Variants in ARHGAP24 observed in about 807,000 individuals in gnomAD.
The protein encoded by ARHGAP24 is rho GTPase-activating protein 24.
In ARHGAP24, 50 loss-of-function variants were observed where a neutral mutation model predicts 76.4. That is an observed-to-expected ratio of 0.65 (90% confidence interval 0.52 to 0.83). The LOEUF is 0.83. ARHGAP24 is among the 40% of genes least tolerant of loss of function. The pLI, the probability that ARHGAP24 is intolerant of heterozygous loss-of-function variation, is 0.00. For missense variants in ARHGAP24, 930 were observed against 914.2 expected, an observed-to-expected ratio of 1.02 and a Z score of -0.22; for synonymous variants, 345 against 323.3, an observed-to-expected ratio of 1.07 and a Z score of -0.72.
chr4:85,702,931 G>T (rs546599817), intron 2 of ARHGAP24, among the ~76,000 whole-genome samples: 1 of 151,754 alleles, frequency 6.6e-6, no homozygotes, highest in South Asian at 2.1e-4. Flanking sequence ...GCTCTTTGTG[G>T]CCAGCTGTGA....
At chr4:85,598,514 T>C (rs1190540950) in intron 2 of ARHGAP24, among the ~76,000 whole-genome samples, 4 of 152,090 alleles carry the variant, frequency 2.6e-5, no homozygotes, top group Non-Finnish European at 5.9e-5. Context: ...CTTTTTACTC[T>C]TTCTTAGTAG....
intron 2 of ARHGAP24, among the ~76,000 whole-genome samples, chr4:85,665,643 C>T (rs559075076): frequency 9.0e-4 from 137 of 152,258 alleles, no homozygotes; most frequent in Middle Eastern, 3.4e-3. Flanking sequence ...GATTTTGCAG[C>T]GGCTGGTACC....
chr4:85,997,333 TA>T (rs1740722407), intron 9 of ARHGAP24, among the ~76,000 whole-genome samples: 3 of 148,622 alleles, frequency 2.0e-5, no homozygotes, highest in African/African-American at 7.6e-5. Context: ...AGATGATAGA[TA>T]GATAGATAGA....
chr4:85,506,684 C>T (rs1297292415), intron 1 of ARHGAP24, among the ~76,000 whole-genome samples: 2 of 152,182 alleles, frequency 1.3e-5, no homozygotes, highest in South Asian at 2.1e-4. Flanking sequence ...GGAAATCCAC[C>T]AACCCCTTGC....
At chr4:85,597,469 G>A (rs908048133) in intron 2 of ARHGAP24, among the ~76,000 whole-genome samples, 1 of 151,936 alleles carries the variant, frequency 6.6e-6, no homozygotes, top group Admixed American at 6.6e-5. Flanking sequence ...TGCTGAAAAG[G>A]GTGAGGGGTA....
chr4:85,985,312 A>G (rs1188117187), intron 8 of ARHGAP24, among the ~76,000 whole-genome samples: 1 of 152,180 alleles, frequency 6.6e-6, no homozygotes, highest in East Asian at 1.9e-4. Flanking sequence ...ATAAAAATGA[A>G]CAAGAGCATG....
At chr4:85,663,904 T>G (rs1358839364) in intron 2 of ARHGAP24, among the ~76,000 whole-genome samples, 1 of 151,490 alleles carries the variant, frequency 6.6e-6, no homozygotes, top group Non-Finnish European at 1.5e-5. Flanking sequence ...TTTGATGTGC[T>G]GCTGGATTCA....
At chr4:85,729,364 C>T (rs1725302516) in intron 3 of ARHGAP24, among the ~76,000 whole-genome samples, 1 of 152,140 alleles carries the variant, frequency 6.6e-6, no homozygotes, top group South Asian at 2.1e-4. Context: ...TCAAAATTCC[C>T]TTCCTACTTA....
chr4:85,734,456 T>C (rs969524658), intron 3 of ARHGAP24, among the ~76,000 whole-genome samples: 6 of 152,164 alleles, frequency 3.9e-5, no homozygotes, highest in African/African-American at 9.7e-5. Context: ...ACAACTGTTA[T>C]GCATCTAGAC....
intron 3 of ARHGAP24, among the ~76,000 whole-genome samples, chr4:85,737,094 A>T (rs1490134612): frequency 6.6e-6 from 1 of 152,098 alleles, no homozygotes; most frequent in Non-Finnish European, 1.5e-5. Flanking sequence ...TTTCACCAGC[A>T]CACAGCTGGT....
chr4:85,599,228 A>G (rs1357213274), intron 2 of ARHGAP24, among the ~76,000 whole-genome samples: 1 of 152,136 alleles, frequency 6.6e-6, no homozygotes, highest in African/African-American at 2.4e-5. Flanking sequence ...GAGTTGGCAT[A>G]GGGTATTAAA....
intron 3 of ARHGAP24, among the ~76,000 whole-genome samples, chr4:85,819,666 C>A (rs947201198): frequency 6.6e-6 from 1 of 152,152 alleles, no homozygotes; most frequent in Admixed American, 6.5e-5. Context: ...TGCCTGTAAT[C>A]CCAGCACTTT....
rs533998340 is a variant in ARHGAP24 at position 85,509,364 on chromosome 4, C to G, written c.-21+33805C>G. 1.3e-4 allele frequency among the ~76,000 whole-genome samples: 19 copies of G among 151,976 alleles called. No homozygotes were observed. The South Asian group carries it at 3.7e-3, about 30-fold the overall frequency. ...GTATAATTAAAAAAAATTCTAATTT[C>G]TAGTATTTTATGCATGGTTCTTAAC... On this transcript the variant is annotated intron_variant, in intron 1 of 9. Coordinates refer to ENST00000395184, the MANE Select transcript of ARHGAP24 (RefSeq NM_001025616.3).
chr4:85,995,229 G>A lies in ARHGAP24; in HGVS notation c.1575G>A (p.Gln525=). 1 of 1,614,040 alleles carries A rather than the reference G, an allele frequency of 6.2e-7. No homozygotes were observed. The highest frequency in any genetic ancestry group is 1.1e-5 in the South Asian group (1 of 91,076). The change falls in exon 9 of 10, where the codon CAG becomes CAA. Residue 525 remains glutamine, a synonymous_variant. Transcript: ENST00000395184. ...KQKEQAGELG[Q]HNRLSTYDNV... is the part of the protein sequence containing the mutation. ...AAGAACAAGCTGGAGAGTTAGGCCA[G>A]CACAACAGACTGTCCACCTATGATA...
intron 8 of ARHGAP24, among the ~76,000 whole-genome samples, chr4:85,992,961 G>A (rs1714788065): frequency 6.6e-6 from 1 of 151,942 alleles, no homozygotes; most frequent in Admixed American, 6.6e-5. Context: ...TGCATAATTT[G>A]GAATAAGACT....
chr4:85,922,775 T>C (rs910346628), intron 3 of ARHGAP24, among the ~76,000 whole-genome samples: 3 of 152,198 alleles, frequency 2.0e-5, no homozygotes, highest in Non-Finnish European at 4.4e-5. Flanking sequence ...CCCTGTTTTG[T>C]AAGTGGGAAA....
chr4:85,742,891 A>G (rs1725877255), intron 3 of ARHGAP24, among the ~76,000 whole-genome samples: 1 of 152,230 alleles, frequency 6.6e-6, no homozygotes, highest in African/African-American at 2.4e-5. Flanking sequence ...TAGAATATCG[A>G]TTAAACTTGT....
At chr4:85,583,491 A>T (rs957212409) in intron 2 of ARHGAP24, among the ~76,000 whole-genome samples, 5 of 152,158 alleles carry the variant, frequency 3.3e-5, no homozygotes, top group African/African-American at 1.2e-4. Flanking sequence ...TAAAAACCCT[A>T]GAAGAAAACC....
At chr4:85,996,202 T>C (rs1740649382) in intron 9 of ARHGAP24, among the ~76,000 whole-genome samples, 1 of 152,098 alleles carries the variant, frequency 6.6e-6, no homozygotes, top group South Asian at 2.1e-4. Context: ...CCAGGTGACA[T>C]AGGGGATTGA....
Sources: gnomAD v4.1 joint callset for allele counts (sites outside exome capture counted in the v4.1 genomes callset) on GRCh38, gnomAD v4.1.1 for gene constraint, MANE v1.5 for transcripts, NCBI Gene and HGNC (gene_info 2026-07-23, HGNC 2026-07-21) for gene names.